The following GALNT1 variants were observed in gnomAD, a reference collection of about 807,000 sequenced individuals.
GALNT1 encodes polypeptide N-acetylgalactosaminyltransferase 1, also known as GalNAc transferase 1.
GALNT1 carries 17 observed loss-of-function variants against 65.7 expected under a neutral mutation model. The ratio of observed to expected loss-of-function variants is 0.26; its 90% CI spans 0.18 to 0.39. The LOEUF (loss-of-function observed/expected upper bound fraction) is 0.39. Among genes scored for constraint, GALNT1 ranks in the 10% least tolerant of loss-of-function variants. GALNT1 has a pLI of 1.00. For missense variants in GALNT1, 460 were observed against 672.8 expected (o/e 0.68, Z 3.50); for synonymous variants, 210 against 219.7 (o/e 0.96, Z 0.39).
chr18:35,654,265 G>A (rs968020809), intron 1 of GALNT1, among the ~76,000 whole-genome samples: 39 of 152,100 alleles, frequency 2.6e-4, no homozygotes, highest in African/African-American at 9.4e-4. Context: ...ATGTTTATTG[G>A]CTATTTAGGT....
intron 1 of GALNT1, among the ~76,000 whole-genome samples, chr18:35,629,500 A>T (rs2046972992): frequency 6.6e-6 from 1 of 152,340 alleles, no homozygotes; most frequent in African/African-American, 2.4e-5. Flanking sequence ...AAAATACTTT[A>T]CAGACAAGCA....
chr18:35,700,734 C>T (rs570697938), intron 9 of GALNT1, among the ~76,000 whole-genome samples: 7 of 152,280 alleles, frequency 4.6e-5, no homozygotes, highest in African/African-American at 1.7e-4. Flanking sequence ...CCTCCTGCCT[C>T]GGCCTCCCAA....
chr18:35,653,009 T>C (rs1372726456), intron 1 of GALNT1, among the ~76,000 whole-genome samples: 2 of 152,224 alleles, frequency 1.3e-5, no homozygotes, highest in Admixed American at 6.5e-5. Flanking sequence ...TAAATGTATG[T>C]ATATAGTTTA....
rs991174662 is a variant in GALNT1 at position 35,672,402 on chromosome 18, G to A, written c.315-5189G>A. Reference sequence around the variant, plus strand: ...TGGTATTTTCTTCAGCCTCAGCTATGCTGGACAGAGGTAGTTAGCTGCTTT... The same window carrying A: ...TGGTATTTTCTTCAGCCTCAGCTATACTGGACAGAGGTAGTTAGCTGCTTT... On this transcript the variant is annotated intron_variant, in intron 3 of 11. Coordinates refer to ENST00000269195, the MANE Select transcript of GALNT1 (RefSeq NM_020474.4). Among the ~76,000 whole-genome samples, 3 of 152,212 alleles carry A rather than the reference G, an allele frequency of 2.0e-5. No homozygotes were observed. The East Asian group carries it at 5.8e-4, about 29-fold the overall frequency.
chr18:35,628,038 C>T (rs1390043659), intron 1 of GALNT1, among the ~76,000 whole-genome samples: 2 of 152,196 alleles, frequency 1.3e-5, no homozygotes, highest in African/African-American at 4.8e-5. Context: ...CCCGCCATTG[C>T]TGAGGCTTGA....
chr18:35,625,688 CATG>C (rs2046908368), intron 1 of GALNT1, among the ~76,000 whole-genome samples: 1 of 152,100 alleles, frequency 6.6e-6, no homozygotes, highest in African/African-American at 2.4e-5. Flanking sequence ...CAGAAAATAA[CATG>C]AGCCCCTGGC....
At chr18:35,584,206 A>C (rs187034979) in intron 1 of GALNT1, among the ~76,000 whole-genome samples, 1 of 152,338 alleles carries the variant, frequency 6.6e-6, no homozygotes, top group East Asian at 1.9e-4. Context: ...TTCTCATGAA[A>C]GGTCACAATC....
At position 35,689,242 on chromosome 18, in the gene GALNT1, T is replaced by C. The variant is rs754539026; in HGVS notation, c.930T>C (p.Asp310=). The C allele has an allele frequency of 1.2e-6, 2 of 1,612,304 alleles. No individual in the cohort carries two copies. The highest frequency in any genetic ancestry group is 2.2e-5 in the South Asian group (2 of 90,452). The change falls in exon 7 of 12, where the codon GAT becomes GAC. Residue 310 remains aspartate, a synonymous_variant. Transcript: ENST00000269195. The part of the protein sequence containing the change: ...RDYFQEIGTY[D]AGMDIWGGEN... ...ACTTTCAGGAAATTGGAACATATGA[T>C]GCTGGAATGGATATTTGGGGAGGAG...
At chr18:35,651,648 TG>T (rs1396116633) in intron 1 of GALNT1, among the ~76,000 whole-genome samples, 1 of 152,220 alleles carries the variant, frequency 6.6e-6, no homozygotes, top group Non-Finnish European at 1.5e-5. Flanking sequence ...AACAAGGACT[TG>T]GTTTTCTTTC....
chr18:35,669,483 A>G (rs1018398996), intron 3 of GALNT1, among the ~76,000 whole-genome samples: 1 of 152,252 alleles, frequency 6.6e-6, no homozygotes, highest in Non-Finnish European at 1.5e-5. Flanking sequence ...TAAATGATAC[A>G]TTAAAAATAA....
chr18:35,659,349 C>G (rs1418244697), intron 2 of GALNT1, among the ~76,000 whole-genome samples: 6 of 152,174 alleles, frequency 3.9e-5, no homozygotes, highest in Admixed American at 3.9e-4. Flanking sequence ...TTGCCTGCTT[C>G]AAGGAATAGT....
chr18:35,694,908 C>G (rs77985971), intron 9 of GALNT1, among the ~76,000 whole-genome samples: 1 of 152,108 alleles, frequency 6.6e-6, no homozygotes, highest in African/African-American at 2.4e-5. Flanking sequence ...AAGCATAATA[C>G]GACAGTCACC....
intron 11 of GALNT1, among the ~76,000 whole-genome samples, chr18:35,706,698 G>A (rs1220365068): frequency 6.6e-6 from 1 of 152,062 alleles, no homozygotes; most frequent in Non-Finnish European, 1.5e-5. Context: ...GCCAATATCT[G>A]TAAAAGGAAT....
rs1208613937 is a variant in GALNT1, at chr18:35,711,235, C to A, written c.*1465C>A. ...CCTGATATGTAGAGCAGTCTGTTGGCAAAAATGCATATATTTTCTTTCATA... is the reference window on the plus strand; with the variant it reads ...CCTGATATGTAGAGCAGTCTGTTGGAAAAAATGCATATATTTTCTTTCATA... On this transcript the variant is annotated 3_prime_UTR_variant, in exon 12 of 12. Coordinates refer to ENST00000269195, the MANE Select transcript of GALNT1 (RefSeq NM_020474.4). 1 of 152,188 alleles carries A rather than the reference C, an allele frequency of 6.6e-6. No individual in the cohort carries two copies. 9.4% of individuals were successfully genotyped at this position (152,188 alleles called of 1,614,324 possible).
At chr18:35,589,537 T>A (rs1490010807) in intron 1 of GALNT1, among the ~76,000 whole-genome samples, 4 of 152,212 alleles carry the variant, frequency 2.6e-5, no homozygotes, top group Non-Finnish European at 5.9e-5. Context: ...TTCAGATTGC[T>A]GCCATTTTCA....
At chr18:35,608,064 A>G (rs2144020817) in intron 1 of GALNT1, among the ~76,000 whole-genome samples, 1 of 152,238 alleles carries the variant, frequency 6.6e-6, no homozygotes, top group East Asian at 1.9e-4. Flanking sequence ...CAGTTTTTAT[A>G]TTTTAACAAT....
chr18:35,600,867 T>TA (rs1168206853), intron 1 of GALNT1, among the ~76,000 whole-genome samples: 1 of 152,150 alleles, frequency 6.6e-6, no homozygotes, highest in Non-Finnish European at 1.5e-5. Flanking sequence ...TTTTGCATAT[T>TA]ACGTTCATCA....
At chr18:35,651,691 A>C (rs935381470) in intron 1 of GALNT1, among the ~76,000 whole-genome samples, 2 of 152,232 alleles carry the variant, frequency 1.3e-5, no homozygotes, top group African/African-American at 4.8e-5. Flanking sequence ...CGAAGGACAC[A>C]CAAAAGTTGC....
intron 9 of GALNT1, among the ~76,000 whole-genome samples, chr18:35,694,653 C>T (rs2048024963): frequency 6.6e-6 from 1 of 152,164 alleles, no homozygotes; most frequent in Admixed American, 6.5e-5. Context: ...GCACTATTCA[C>T]AATAGCCAAG....
Sources: gnomAD v4.1 joint callset for allele counts (sites outside exome capture counted in the v4.1 genomes callset) on GRCh38, gnomAD v4.1.1 for gene constraint, MANE v1.5 for transcripts, NCBI Gene and HGNC (gene_info 2026-07-23, HGNC 2026-07-21) for gene names.